The following PTK2B variants were observed in gnomAD, a reference collection of about 807,000 sequenced individuals.
The protein encoded by PTK2B is protein tyrosine kinase 2 beta, also known as protein-tyrosine kinase 2-beta.
PTK2B carries 71 observed loss-of-function variants against 142.9 expected under a neutral mutation model. The ratio of observed to expected loss-of-function variants is 0.50; its 90% confidence interval spans 0.41 to 0.61. The LOEUF is 0.61. Among genes scored for constraint, PTK2B ranks in the 20% least tolerant of loss-of-function variants. The pLI, the probability that PTK2B is intolerant of heterozygous loss-of-function variation, is 0.00. For synonymous variants in PTK2B, 519 were observed against 503.4 expected, an observed-to-expected ratio of 1.03 and a Z score of -0.42; for missense variants, 1,105 against 1,320.4, an observed-to-expected ratio of 0.84 and a Z score of 2.53.
At chr8:27,405,298 G>A (rs976284207) in intron 2 of PTK2B, among the ~76,000 whole-genome samples, 3 of 152,256 alleles carry the variant, frequency 2.0e-5, no homozygotes, top group East Asian at 1.9e-4. Context: ...CAGGCACACA[G>A]GCCATTGGCT....
At chr8:27,406,665 G>A (rs1290315954) in intron 2 of PTK2B, among the ~76,000 whole-genome samples, 2 of 152,072 alleles carry the variant, frequency 1.3e-5, no homozygotes, top group South Asian at 2.1e-4. Context: ...TTGGGGCTGG[G>A]GCTTGGCATT....
At position 27,439,066 on chromosome 8, in the gene PTK2B, C is replaced by T. The variant is rs2132205504; in HGVS notation, c.1679C>T (p.Pro560Leu). Reference protein sequence around the residue: ...IAVRNILVASPECVKLGDFGL... With the variant: ...IAVRNILVASLECVKLGDFGL... ...GTCCGGAACATCCTGGTGGCCTCCC[C>T]TGAGTGTGTGAAGCTGGGGGACTTT... The change falls in exon 19 of 31, where the codon CCT (proline) becomes CTT (leucine). Residue 560 changes from proline (P) to leucine (L), a missense_variant. By Grantham distance (98) the Pro-to-Leu change is moderately conservative. Coordinates refer to ENST00000346049, the MANE Select transcript of PTK2B (RefSeq NM_173176.3). 1 of 1,614,170 alleles carries T rather than the reference C, an allele frequency of 6.2e-7. No individual in the cohort carries two copies. Among genetic ancestry groups the T allele is most frequent in the African/African-American group, 1.3e-5 (1 of 75,044 alleles).
chr8:27,331,102 G>A (rs1426627580), intron 1 of PTK2B, among the ~76,000 whole-genome samples: 1 of 152,186 alleles, frequency 6.6e-6, no homozygotes, highest in African/African-American at 2.4e-5. Context: ...AGAGACAGGA[G>A]GGCTCAAAGA....
At chr8:27,416,603 G>A (rs978260932) in intron 2 of PTK2B, among the ~76,000 whole-genome samples, 9 of 152,122 alleles carry the variant, frequency 5.9e-5, no homozygotes, top group South Asian at 2.1e-4. Context: ...TACAGAAAAC[G>A]CTAACCATGA....
At chr8:27,354,759 A>C (rs10109834) in intron 1 of PTK2B, among the ~76,000 whole-genome samples, 66,278 of 151,982 alleles carry the variant, frequency 0.44, 14,883 homozygotes, top group Non-Finnish European at 0.49. Flanking sequence ...ATGAAGGTAA[A>C]TGAGCTTGCC....
chr8:27,429,398 A>C (rs997172669), intron 5 of PTK2B, among the ~76,000 whole-genome samples: 5 of 152,214 alleles, frequency 3.3e-5, no homozygotes, highest in Non-Finnish European at 7.3e-5. Flanking sequence ...TGCAACAGTC[A>C]ATGAAATTAC....
At position 27,413,856 on chromosome 8, in the gene PTK2B, A is replaced by G. The variant is rs375563081; in HGVS notation, c.205-6039A>G. The stretch of plus-strand genomic sequence containing the variant: ...GTTTGTTGCCAAATGGTGACTTTCT[A>G]TTTCCATCCTTTCTTCTACATTTAT... On this transcript the variant is annotated intron_variant, in intron 2 of 30. Coordinates refer to ENST00000346049, the MANE Select transcript of PTK2B (RefSeq NM_173176.3). Among the ~76,000 whole-genome samples, 114 of 152,278 alleles carry G rather than the reference A, an allele frequency of 7.5e-4. 3 individuals carry two copies. In the South Asian group the frequency reaches 0.023, roughly 31 times the overall value.
chr8:27,361,110 C>T (rs1416341962), intron 1 of PTK2B, among the ~76,000 whole-genome samples: 1 of 152,232 alleles, frequency 6.6e-6, no homozygotes, highest in Non-Finnish European at 1.5e-5. Flanking sequence ...TCCTATCCCT[C>T]ACCCCCTTCC....
At chr8:27,333,508 A>T (rs923454207) in intron 1 of PTK2B, among the ~76,000 whole-genome samples, 1 of 152,204 alleles carries the variant, frequency 6.6e-6, no homozygotes, top group African/African-American at 2.4e-5. Context: ...TGCGTAACTC[A>T]GATACTTTGC....
chr8:27,437,695 A>AGCACCCTGGTCCCCTG, intron 17 of PTK2B, 70 bp from the exon 18 acceptor site: 1 of 1,464,872 alleles, frequency 6.8e-7, no homozygotes. Context: ...AGGGGTTGCC[A>AGCACCCTGGTCCCCTG]GCACCCTGGT....
chr8:27,397,879 C>G, intron 2 of PTK2B, 91 bp downstream of exon 2: 1 of 1,236,686 alleles, frequency 8.1e-7, no homozygotes, highest in Non-Finnish European at 1.2e-6. Flanking sequence ...TCGCAGCTCT[C>G]CCATATCCAC....
At position 27,430,102 on chromosome 8, in the gene PTK2B, CA is replaced by C. The variant is rs745812713; in HGVS notation, c.563del (p.Lys188ArgfsTer17). ...CCACCTATTTCTCCAGGCGGTTCTT[CA>C]AGGATATGCCCCACAATGCACTTGA... ...LGCLELRRFFKDMPHNALDKK... is the reference protein window; with the variant it reads ...LGCLELRRFFXDMPHNALDKK... On this transcript the variant is annotated frameshift_variant, in exon 6 of 31. Transcript: ENST00000346049. LOFTEE classifies it high-confidence loss of function. 7 of 1,613,852 alleles carry C rather than the reference CA, an allele frequency of 4.3e-6. No individual in the cohort carries two copies. The highest frequency in any genetic ancestry group is 5.9e-6 in the Non-Finnish European group (7 of 1,179,860).
At chr8:27,313,314 A>G (rs1233855786) in intron 3 of PTK2B, 2 of 152,272 alleles carry the variant, frequency 1.3e-5, no homozygotes, top group Non-Finnish European at 2.9e-5. Context: ...TCTTTCCTTT[A>G]TAAATTACCC....
At chr8:27,314,151 C>G (rs1415043327) in intron 3 of PTK2B, among the ~76,000 whole-genome samples, 1 of 152,244 alleles carries the variant, frequency 6.6e-6, no homozygotes, top group Non-Finnish European at 1.5e-5. Flanking sequence ...AACATTAGCT[C>G]ATACCCTTTT....
At chr8:27,340,868 C>G (rs1804354835) in intron 1 of PTK2B, among the ~76,000 whole-genome samples, 1 of 152,330 alleles carries the variant, frequency 6.6e-6, no homozygotes, top group Middle Eastern at 3.4e-3. Context: ...AGGAAGAACC[C>G]ACTTCCTGCC....
intron 1 of PTK2B, among the ~76,000 whole-genome samples, chr8:27,326,051 G>GT (rs1803392833): frequency 6.6e-6 from 1 of 152,064 alleles, no homozygotes; most frequent in East Asian, 1.9e-4. Flanking sequence ...TTCAGCTCCT[G>GT]CCCCCGCTCC....
At chr8:27,458,167 T>C (rs1812266837) in intron 30 of PTK2B, 127 bp from the exon 31 acceptor site, 1 of 898,676 alleles carries the variant, frequency 1.1e-6, no homozygotes, top group Non-Finnish European at 1.7e-6. Context: ...CTCTCCTAGG[T>C]CTGATTTGCT....
At chr8:27,320,377 C>T (rs1245791309) in intron 3 of PTK2B, among the ~76,000 whole-genome samples, 1 of 152,134 alleles carries the variant, frequency 6.6e-6, no homozygotes, top group South Asian at 2.1e-4. Context: ...GAGATAGCAT[C>T]AGATCCCACA....
chr8:27,437,602 G>A, intron 17 of PTK2B, 106 bp downstream of exon 17: 1 of 1,208,608 alleles, frequency 8.3e-7, no homozygotes, highest in Non-Finnish European at 1.2e-6. Context: ...ACTGAAATAA[G>A]CCAGAGGCCC....
Sources: allele counts gnomAD v4.1 joint callset (sites outside exome capture counted in the v4.1 genomes callset), GRCh38; gene constraint gnomAD v4.1.1; transcripts MANE v1.5; gene names NCBI Gene and HGNC (gene_info 2026-07-23, HGNC 2026-07-21).